Variants in PLAAT1 observed in about 807,000 individuals in gnomAD.
PLAAT1 encodes H-REV107 protein-related protein.
PLAAT1 carries 13 observed loss-of-function variants against 16.4 expected under a neutral mutation model. The ratio of observed to expected loss-of-function variants is 0.79; its 90% CI spans 0.52 to 1.26. PLAAT1 has a LOEUF of 1.26. Among genes scored for constraint, PLAAT1 ranks in the 50% most tolerant of loss-of-function variants. The pLI, the probability that PLAAT1 is intolerant of heterozygous loss-of-function variation, is 0.00. For missense variants in PLAAT1, 218 were observed against 207.8 expected (o/e 1.05, Z -0.30); for synonymous variants, 73 against 78.4 (o/e 0.93, Z 0.36).
chr3:193,273,419 TA>T (rs1482774891), downstream of PLAAT1, among the ~76,000 whole-genome samples: 2 of 152,222 alleles, frequency 1.3e-5, no homozygotes, highest in African/African-American at 4.8e-5. Flanking sequence ...GGATTGTTTT[TA>T]TAGGAATTTG....
chr3:193,273,615 C>A (rs1489003508), downstream of PLAAT1, among the ~76,000 whole-genome samples: 2 of 152,082 alleles, frequency 1.3e-5, no homozygotes, highest in Non-Finnish European at 2.9e-5. Context: ...TAACTAATTG[C>A]CTATGGTCTG....
At chr3:193,247,349 A>G (rs1716018645) in intron 1 of PLAAT1, among the ~76,000 whole-genome samples, 1 of 152,180 alleles carries the variant, frequency 6.6e-6, no homozygotes, top group South Asian at 2.1e-4. Context: ...AAGGGCCCAC[A>G]TGCACACTGG....
chr3:193,268,177 C>G (rs1716843586), intron 3 of PLAAT1, among the ~76,000 whole-genome samples: 1 of 152,174 alleles, frequency 6.6e-6, no homozygotes, highest in South Asian at 2.1e-4. Flanking sequence ...ATACTTTACT[C>G]TCATAGACCA....
At chr3:193,271,417 G>A (rs537626792), downstream of PLAAT1, among the ~76,000 whole-genome samples, 73 of 152,334 alleles carry the variant, frequency 4.8e-4, no homozygotes, top group African/African-American at 1.6e-3. Context: ...ACCTTGAGAA[G>A]CAATCATTAA....
chr3:193,272,664 G>A (rs925647029), downstream of PLAAT1, among the ~76,000 whole-genome samples: 1 of 152,196 alleles, frequency 6.6e-6, no homozygotes, highest in African/African-American at 2.4e-5. Flanking sequence ...AGCCTCAAGT[G>A]CAGCCTTTCT....
chr3:193,271,956 C>T (rs1716994435), downstream of PLAAT1, among the ~76,000 whole-genome samples: 1 of 151,982 alleles, frequency 6.6e-6, no homozygotes, highest in Admixed American at 6.6e-5. Context: ...CCTTCTTTTT[C>T]AATAATTCCC....
At chr3:193,252,230 C>T (rs1716219163) in intron 1 of PLAAT1, among the ~76,000 whole-genome samples, 1 of 152,178 alleles carries the variant, frequency 6.6e-6, no homozygotes, top group African/African-American at 2.4e-5. Flanking sequence ...AACCAGATCT[C>T]TTGTGAACTC....
chr3:193,252,119 TC>T (rs1560099948), intron 1 of PLAAT1, among the ~76,000 whole-genome samples: 1 of 152,034 alleles, frequency 6.6e-6, no homozygotes, highest in Admixed American at 6.6e-5. Context: ...CTGGTGAGGG[TC>T]TCAGGAAGCT....
chr3:193,244,985 G>A (rs1298637756), intron 1 of PLAAT1, among the ~76,000 whole-genome samples: 1 of 152,138 alleles, frequency 6.6e-6, no homozygotes, highest in Admixed American at 6.5e-5. Flanking sequence ...GCATTTTGGA[G>A]GAGACAAACA....
At chr3:193,260,990 G>A (rs540711812) in intron 2 of PLAAT1, among the ~76,000 whole-genome samples, 1 of 152,218 alleles carries the variant, frequency 6.6e-6, no homozygotes, top group African/African-American at 2.4e-5. Context: ...GTGGGATAAT[G>A]GGTGATTCCT....
downstream of PLAAT1, among the ~76,000 whole-genome samples, chr3:193,273,144 A>G (rs548066853): frequency 5.6e-4 from 86 of 152,316 alleles, 2 homozygotes; most frequent in South Asian, 0.018. Context: ...TTTTTATGCT[A>G]TTGAAATATT....
chr3:193,253,059 A>G (rs558511622), intron 1 of PLAAT1, among the ~76,000 whole-genome samples: 2 of 152,224 alleles, frequency 1.3e-5, no homozygotes, highest in South Asian at 2.1e-4. Flanking sequence ...TCTATTTGAT[A>G]TGTGTTTTGA....
At chr3:193,264,562 G>A (rs1157913519) in intron 3 of PLAAT1, among the ~76,000 whole-genome samples, 1 of 151,258 alleles carries the variant, frequency 6.6e-6, no homozygotes, top group African/African-American at 2.4e-5. Flanking sequence ...GGAGTGCAGT[G>A]GCACGATCTC....
At chr3:193,262,369 G>A (rs1229999006) in intron 2 of PLAAT1, among the ~76,000 whole-genome samples, 1 of 142,566 alleles carries the variant, frequency 7.0e-6, no homozygotes, top group Non-Finnish European at 1.5e-5. Flanking sequence ...CTGGCCAAAG[G>A]AACTGGCAGG....
At chr3:193,249,234 C>G (rs1051405247) in intron 1 of PLAAT1, among the ~76,000 whole-genome samples, 1 of 152,056 alleles carries the variant, frequency 6.6e-6, no homozygotes, top group Non-Finnish European at 1.5e-5. Flanking sequence ...TTCCTATCTT[C>G]TCTTTGTCTT....
chr3:193,258,938 G>A (rs953756324), intron 2 of PLAAT1, among the ~76,000 whole-genome samples: 1 of 151,944 alleles, frequency 6.6e-6, no homozygotes, highest in Non-Finnish European at 1.5e-5. Context: ...CAAAATCGGA[G>A]AGACACACAA....
chr3:193,244,799 G>A (rs1004963099), intron 1 of PLAAT1, among the ~76,000 whole-genome samples: 1 of 152,012 alleles, frequency 6.6e-6, no homozygotes, highest in African/African-American at 2.4e-5. Flanking sequence ...CTCTCTTCCT[G>A]TGATAAAGCC....
At chr3:193,251,274 G>T (rs1716183996) in intron 1 of PLAAT1, among the ~76,000 whole-genome samples, 1 of 152,170 alleles carries the variant, frequency 6.6e-6, no homozygotes, top group Non-Finnish European at 1.5e-5. Flanking sequence ...AAATTGTAGG[G>T]CTGGAATTGT....
At chr3:193,279,307 A>G (rs1265884557), downstream of PLAAT1, 1 of 1,305,080 alleles carries the variant, frequency 7.7e-7, no homozygotes, top group African/African-American at 1.5e-5. Flanking sequence ...TGTGAATTAC[A>G]ATGAATACAT....
Sources: allele counts gnomAD v4.1 joint callset (sites outside exome capture counted in the v4.1 genomes callset), GRCh38; gene constraint gnomAD v4.1.1; transcripts MANE v1.5; gene names NCBI Gene and HGNC (gene_info 2026-07-23, HGNC 2026-07-21).